The following KLRG1 variants were observed in gnomAD, a reference collection of about 807,000 sequenced individuals.
The protein encoded by KLRG1 is killer cell lectin like receptor G1, also known as killer cell lectin-like receptor subfamily G member 1.
Under a neutral mutation model 21.8 loss-of-function variants are expected in KLRG1, and 16 were observed. The observed-to-expected ratio is 0.73, with a 90% confidence interval of 0.50 to 1.11. The LOEUF (loss-of-function observed/expected upper bound fraction) is 1.11, where lower values mean the gene tolerates loss of function less well. Ranked by LOEUF, KLRG1 falls within the 50% of genes most tolerant of loss-of-function variation. The pLI, the probability that KLRG1 is intolerant of heterozygous loss-of-function variation, is 0.00. For synonymous variants in KLRG1, 69 were observed against 75.9 expected (o/e 0.91, Z 0.47); for missense variants, 173 against 218.3 (o/e 0.79, Z 1.31).
the KLRG1 span, among the ~76,000 whole-genome samples, chr12:9,051,684 T>C: frequency 6.6e-6 from 1 of 152,176 alleles, no homozygotes; most frequent in Non-Finnish European, 1.5e-5. Context: ...CCATTACTTA[T>C]AAAATAACAT....
At position 8,973,637 on chromosome 12, in the gene KLRG1, A is replaced by G. The variant is rs899493593; in HGVS notation, c.-155-18569A>G. ...GTTATAGAAGCACAAATGGACTAAG[A>G]CATAGTATGGATATTTTAACAGTAA... On this transcript the variant is annotated intron_variant, in intron 1 of 4. Coordinates refer to the KLRG1 transcript ENST00000539240. 6.6e-5 allele frequency among the ~76,000 whole-genome samples: 10 copies of G among 152,356 alleles called. No individual in the cohort carries two copies. The South Asian group carries it at 2.1e-3, about 32-fold the overall frequency.
At chr12:8,965,867 T>C (rs915294511) in intron 1 of KLRG1, among the ~76,000 whole-genome samples, 1 of 151,578 alleles carries the variant, frequency 6.6e-6, no homozygotes. Context: ...CAAAAAAGAG[T>C]CCACATTGCC....
the KLRG1 span, among the ~76,000 whole-genome samples, chr12:9,125,182 T>G: frequency 1.3e-5 from 2 of 152,226 alleles, no homozygotes; most frequent in East Asian, 1.9e-4. Flanking sequence ...TCCTCTCTGC[T>G]GAGAGCAGTA....
intron 4 of KLRG1, 65 bp from the exon 5 acceptor site, chr12:9,009,361 C>T (rs1444862698): frequency 1.5e-5 from 24 of 1,589,908 alleles, no homozygotes; most frequent in Non-Finnish European, 1.9e-5. Flanking sequence ...TTTATCCCTT[C>T]ATGCCTTTCA....
the KLRG1 span, chr12:9,052,721 C>T: frequency 1.2e-5 from 5 of 402,778 alleles, no homozygotes; most frequent in African/African-American, 4.2e-5. Flanking sequence ...AATCTTGCCT[C>T]ATTTTTCACT....
the KLRG1 span, among the ~76,000 whole-genome samples, chr12:9,081,481 C>T: frequency 7.2e-4 from 110 of 152,236 alleles, no homozygotes; most frequent in African/African-American, 2.6e-3. Context: ...GATCTTCCTC[C>T]CTCCACAGAA....
chr12:9,066,468 G>T, the KLRG1 span: 1 of 152,370 alleles, frequency 6.6e-6, no homozygotes, highest in East Asian at 1.9e-4. Context: ...AGCAGCTTGT[G>T]TGTGTGACTG....
At chr12:9,060,289 TG>T in the KLRG1 span, among the ~76,000 whole-genome samples, 6 of 151,676 alleles carry the variant, frequency 4.0e-5, no homozygotes, top group Non-Finnish European at 8.8e-5. Flanking sequence ...CCCAAAGTGC[TG>T]GGATTACAGG....
the KLRG1 span, among the ~76,000 whole-genome samples, chr12:9,085,286 T>C: frequency 6.6e-6 from 1 of 152,118 alleles, no homozygotes; most frequent in Non-Finnish European, 1.5e-5. Flanking sequence ...TTAAGAAGAC[T>C]GAAATCGTTT....
chr12:9,192,859 A>T, the KLRG1 span: 38 of 617,010 alleles, frequency 6.2e-5, no homozygotes, highest in Non-Finnish European at 1.0e-4. Context: ...CCTCTCCCTC[A>T]TACTGGTCGA....
At chr12:9,211,018 A>T in the KLRG1 span, among the ~76,000 whole-genome samples, 1 of 152,144 alleles carries the variant, frequency 6.6e-6, no homozygotes, top group Non-Finnish European at 1.5e-5. Context: ...CAGGAGTGAG[A>T]TTGTTGTATG....
At chr12:9,080,299 G>A in the KLRG1 span, 34 of 537,794 alleles carry the variant, frequency 6.3e-5, no homozygotes, top group East Asian at 1.3e-4. Context: ...AAAGTTGTCC[G>A]CCTTTAATAC....
chr12:9,184,890 C>T, the KLRG1 span, among the ~76,000 whole-genome samples: 4 of 152,188 alleles, frequency 2.6e-5, no homozygotes, highest in African/African-American at 7.2e-5. Context: ...CACAATCAAA[C>T]CTCCAAGGTC....
At chr12:9,097,697 G>A in the KLRG1 span, among the ~76,000 whole-genome samples, 1 of 146,000 alleles carries the variant, frequency 6.8e-6, no homozygotes, top group Non-Finnish European at 1.5e-5. Context: ...GCAGTGGCAC[G>A]ATCTCGGCTC....
chr12:9,165,268 G>A, the KLRG1 span: 3 of 1,614,098 alleles, frequency 1.9e-6, no homozygotes, highest in East Asian at 4.5e-5. Flanking sequence ...CAGTGGAAGA[G>A]ATACCAAGTC....
chr12:9,109,551 C>T, the KLRG1 span: 5 of 665,450 alleles, frequency 7.5e-6, no homozygotes, highest in African/African-American at 1.8e-5. Context: ...TATCTATCCT[C>T]CTCTCAAATG....
At chr12:9,130,499 T>A in the KLRG1 span, among the ~76,000 whole-genome samples, 1 of 152,146 alleles carries the variant, frequency 6.6e-6, no homozygotes, top group Non-Finnish European at 1.5e-5. Context: ...TCCTCACAGA[T>A]GTGAAGTAGT....
chr12:9,180,696 C>T, the KLRG1 span, among the ~76,000 whole-genome samples: 1 of 152,106 alleles, frequency 6.6e-6, no homozygotes, highest in East Asian at 1.9e-4. Context: ...CCATAAAAAC[C>T]CTAGAAGAAA....
At chr12:9,113,615 A>T in the KLRG1 span, 2 of 1,414,076 alleles carry the variant, frequency 1.4e-6, no homozygotes, top group African/African-American at 2.8e-5. Flanking sequence ...ACTTTTTTCC[A>T]TCATCATAAT....
Sources: allele counts gnomAD v4.1 joint callset (sites outside exome capture counted in the v4.1 genomes callset), GRCh38; gene constraint gnomAD v4.1.1; transcripts MANE v1.5; gene names NCBI Gene and HGNC (gene_info 2026-07-23, HGNC 2026-07-21).